The following GLRA1 variants were observed in gnomAD, a reference collection of about 807,000 sequenced individuals.
GLRA1 encodes the protein glycine receptor alpha 1.
Under a neutral mutation model 48.3 loss-of-function variants are expected in GLRA1, and 37 were observed. That is an observed-to-expected ratio of 0.77 (90% confidence interval 0.59 to 1.01). The LOEUF (loss-of-function observed/expected upper bound fraction) is 1.01. Among genes scored for constraint, GLRA1 ranks in the 50% least tolerant of loss-of-function variants. The pLI, the probability that GLRA1 is intolerant of heterozygous loss-of-function variation, is 0.00. For missense variants in GLRA1, 427 were observed against 571.0 expected, an observed-to-expected ratio of 0.75 and a Z score of 2.57; for synonymous variants, 196 against 210.7, an observed-to-expected ratio of 0.93 and a Z score of 0.60.
intron 1 of GLRA1, among the ~76,000 whole-genome samples, chr5:151,907,097 T>G (rs1754490176): frequency 6.6e-6 from 1 of 152,220 alleles, no homozygotes; most frequent in South Asian, 2.1e-4. Context: ...GTGACTTTAT[T>G]ACTTACTTGG....
intron 3 of GLRA1, among the ~76,000 whole-genome samples, chr5:151,876,622 C>T (rs972161225): frequency 2.6e-5 from 4 of 152,136 alleles, no homozygotes; most frequent in South Asian, 4.1e-4. Flanking sequence ...CTCCTACTCA[C>T]TGATGTCTGG....
intron 8 of GLRA1, among the ~76,000 whole-genome samples, chr5:151,825,943 C>T (rs2915887): frequency 0.2 from 29,831 of 152,078 alleles, 3,677 homozygotes; most frequent in South Asian, 0.31. Flanking sequence ...ACTTCCAGAG[C>T]GGCTTACTCT....
At chr5:151,850,711 G>A (rs950164495) in intron 7 of GLRA1, 82 of 1,148,276 alleles carry the variant, frequency 7.1e-5, no homozygotes, top group Non-Finnish European at 9.9e-5. Context: ...CTGCCACTGC[G>A]AACCCTTTTC....
chr5:151,866,146 AG>A (rs1249763236), intron 3 of GLRA1, among the ~76,000 whole-genome samples: 16 of 152,136 alleles, frequency 1.1e-4, no homozygotes, highest in Non-Finnish European at 2.4e-4. Flanking sequence ...CTGAAGCAGG[AG>A]GGATTTCCAG....
At chr5:151,861,414 T>C (rs1281942385) in intron 3 of GLRA1, among the ~76,000 whole-genome samples, 3 of 152,038 alleles carry the variant, frequency 2.0e-5, no homozygotes, top group South Asian at 2.1e-4. Flanking sequence ...TTATTGATTG[T>C]CATTCTAACT....
At chr5:151,844,447 C>T (rs1581608984) in intron 7 of GLRA1, among the ~76,000 whole-genome samples, 1 of 151,278 alleles carries the variant, frequency 6.6e-6, no homozygotes, top group Non-Finnish European at 1.5e-5. Flanking sequence ...CATGACAAAA[C>T]CCCATCTCTA....
intron 3 of GLRA1, among the ~76,000 whole-genome samples, chr5:151,868,242 C>A (rs534648890): frequency 6.6e-6 from 1 of 152,294 alleles, no homozygotes; most frequent in South Asian, 2.1e-4. Context: ...ATGCAGGAAT[C>A]CTGTTGGACA....
chr5:151,861,112 A>T (rs1227290576), intron 3 of GLRA1, among the ~76,000 whole-genome samples: 1 of 152,094 alleles, frequency 6.6e-6, no homozygotes, highest in Admixed American at 6.5e-5. Context: ...ACATTTTCTT[A>T]ATCCAGTCTA....
At chr5:151,866,762 A>G (rs560233894) in intron 3 of GLRA1, among the ~76,000 whole-genome samples, 1 of 152,212 alleles carries the variant, frequency 6.6e-6, no homozygotes, top group East Asian at 1.9e-4. Flanking sequence ...AAGATAAGGC[A>G]TGGACACAAA....
intron 1 of GLRA1, among the ~76,000 whole-genome samples, chr5:151,907,598 G>T (rs1389064535): frequency 1.3e-5 from 2 of 152,216 alleles, no homozygotes; most frequent in Non-Finnish European, 2.9e-5. Flanking sequence ...TGGGTTTGAG[G>T]AGCCCACTAT....
At chr5:151,823,942 A>T (rs1388050890) in intron 8 of GLRA1, among the ~76,000 whole-genome samples, 6 of 151,652 alleles carry the variant, frequency 4.0e-5, no homozygotes, top group Non-Finnish European at 5.9e-5. Context: ...TCTGAGGAGG[A>T]ATTGAGAGTC....
chr5:151,859,732 G>T, intron 4 of GLRA1, 53 bp downstream of exon 4: 2 of 1,314,846 alleles, frequency 1.5e-6, no homozygotes, highest in Non-Finnish European at 2.2e-6. Context: ...CCAGAAGGTA[G>T]TGGGGCAAGA....
intron 2 of GLRA1, among the ~76,000 whole-genome samples, chr5:151,889,654 T>C (rs1392665705): frequency 6.6e-6 from 1 of 152,180 alleles, no homozygotes; most frequent in Non-Finnish European, 1.5e-5. Flanking sequence ...GTAGAGGTTT[T>C]AAACAATGCA....
At chr5:151,871,463 T>C (rs1753482199) in intron 3 of GLRA1, among the ~76,000 whole-genome samples, 1 of 106,676 alleles carries the variant, frequency 9.4e-6, no homozygotes, top group Non-Finnish European at 2.0e-5. Flanking sequence ...ACCTGTATAA[T>C]TGGAGAGATG....
intron 1 of GLRA1, among the ~76,000 whole-genome samples, chr5:151,893,724 G>A (rs2113420733): frequency 6.6e-6 from 1 of 152,232 alleles, no homozygotes; most frequent in Middle Eastern, 3.4e-3. Context: ...ATTCCATGGT[G>A]TATATGTGCC....
chr5:151,889,613 C>G (rs1367247485), intron 2 of GLRA1, among the ~76,000 whole-genome samples: 1 of 152,166 alleles, frequency 6.6e-6, no homozygotes, highest in Non-Finnish European at 1.5e-5. Flanking sequence ...TTTCTAGCAC[C>G]TAAGGCAGCT....
intron 1 of GLRA1, among the ~76,000 whole-genome samples, chr5:151,904,942 C>A (rs2113442095): frequency 6.6e-6 from 1 of 152,220 alleles, no homozygotes; most frequent in Middle Eastern, 3.4e-3. Context: ...TAGAAGAGTA[C>A]CACAGCAATC....
At chr5:151,910,876 T>C (rs1299639244) in intron 1 of GLRA1, among the ~76,000 whole-genome samples, 1 of 152,200 alleles carries the variant, frequency 6.6e-6, no homozygotes, top group Non-Finnish European at 1.5e-5. Flanking sequence ...GTTTAGTTGT[T>C]TGTACCCCCC....
chr5:151,871,499 A>C (rs1415349081), intron 3 of GLRA1, among the ~76,000 whole-genome samples: 1 of 149,664 alleles, frequency 6.7e-6, no homozygotes, highest in Non-Finnish European at 1.5e-5. Flanking sequence ...GTAAAGATGT[A>C]CTTTATTCCC....
Sources: gnomAD v4.1 joint callset for allele counts (sites outside exome capture counted in the v4.1 genomes callset) on GRCh38, gnomAD v4.1.1 for gene constraint, MANE v1.5 for transcripts, NCBI Gene and HGNC (gene_info 2026-07-23, HGNC 2026-07-21) for gene names.